Variants in RAB24 observed in about 807,000 individuals in gnomAD.
RAB24 encodes ras-related protein Rab-24.
In RAB24, 9 loss-of-function variants were observed where a neutral mutation model predicts 31.4. The ratio of observed to expected loss-of-function variants is 0.29; its 90% confidence interval spans 0.17 to 0.50. RAB24 has a LOEUF of 0.50. Among genes scored for constraint, RAB24 ranks in the 20% least tolerant of loss-of-function variants. The pLI, the probability that RAB24 is intolerant of heterozygous loss-of-function variation, is 0.98. For synonymous variants in RAB24, 106 were observed against 94.1 expected (o/e 1.13, Z -0.73); for missense variants, 197 against 265.2 (o/e 0.74, Z 1.79).
rs200394384 is a variant in RAB24 at position 177,303,088 on chromosome 5, A to C, written c.118-11T>G. ...GGCGGCCCCGATGGTCTGCAACGAGAGGGAAGAGATCGGGGCCATAGGTGC... is the reference window on the plus strand; with the variant it reads ...GGCGGCCCCGATGGTCTGCAACGAGCGGGAAGAGATCGGGGCCATAGGTGC... On this transcript the variant is annotated splice_polypyrimidine_tract_variant and intron_variant, in intron 1 of 7. Transcript: ENST00000303251. The surrounding 1 kb of genome is among the most constrained non-coding windows in gnomAD (Gnocchi z 6.1). 1.2e-6 allele frequency: 2 copies of C among 1,614,014 alleles called. No homozygotes were observed. Among genetic ancestry groups the C allele is most frequent in the Non-Finnish European group, 1.7e-6 (2 of 1,180,002 alleles).
At position 177,301,227 on chromosome 5, in the gene RAB24, C is replaced by T. The variant is rs76673188; in HGVS notation, c.*516G>A. The T allele has an allele frequency of 1.2e-5, 2 of 163,876 alleles. No individual in the cohort carries two copies. The highest frequency in any genetic ancestry group is 4.8e-5 in the African/African-American group (2 of 41,460). The allele number at this position is 163,876 out of a possible 1,614,324, so 10.2% of individuals were successfully genotyped here. On this transcript the variant is annotated 3_prime_UTR_variant, in exon 8 of 8. Coordinates refer to ENST00000303251, the MANE Select transcript of RAB24 (RefSeq NM_001031677.4). Reference sequence around the variant, plus strand: ...GTAGGAATGCTTGACCCTTTTATTTCGAAGCAACTCATGCACTCTTTTCAG... The same window carrying T: ...GTAGGAATGCTTGACCCTTTTATTTTGAAGCAACTCATGCACTCTTTTCAG...
rs1760709030 is a variant in RAB24 at position 177,302,401 on chromosome 5, T to C, written c.429A>G (p.Ala143=). The C allele has an allele frequency of 6.2e-7, 1 of 1,613,214 alleles. No homozygotes were observed. The highest frequency in any genetic ancestry group is 8.5e-7 in the Non-Finnish European group (1 of 1,180,006). Residue 143 remains alanine, a synonymous_variant, in exon 5 of 8, where the codon GCA becomes GCG. Transcript: ENST00000303251. ...AAAGGGCTGAGGAGCAGCTACTGTC[T>C]GCATAGTCCTGGACGTCGTGGAAGT... is the stretch of plus-strand genomic sequence containing the variant. ...RVDFHDVQDY[A]DNIKAQLFET...
In RAB24 at chr5:177,302,379, G is replaced by A. The variant is rs199584504; in HGVS notation, c.433+18C>T. The A allele has an allele frequency of 3.7e-6, 6 of 1,612,246 alleles. No homozygotes were observed. Among genetic ancestry groups the A allele is most frequent in the Middle Eastern group, 1.7e-4 (1 of 6,060 alleles). On this transcript the variant is annotated intron_variant, in intron 5 of 7. Coordinates refer to ENST00000303251, the MANE Select transcript of RAB24 (RefSeq NM_001031677.4). ...CAGCCACACACCCCCACCCCCCAAA[G>A]GGCTGAGGAGCAGCTACTGTCTGCA...
intron 2 of RAB24, 71 bp from the exon 3 acceptor site, chr5:177,302,901 C>A (rs1372531035): frequency 3.1e-6 from 5 of 1,595,356 alleles, no homozygotes; most frequent in Non-Finnish European, 4.3e-6. Flanking sequence ...GATAAGGAAA[C>A]GGGTCTATGA....
In RAB24 at chr5:177,301,695, C is replaced by T. The variant is rs1321868105; in HGVS notation, c.*48G>A. 2 of 1,603,326 alleles carry T rather than the reference C, an allele frequency of 1.2e-6. No individual in the cohort carries two copies. The highest frequency in any genetic ancestry group is 2.7e-5 in the African/African-American group (2 of 74,738). On this transcript the variant is annotated 3_prime_UTR_variant, in exon 8 of 8. Coordinates refer to ENST00000303251, the MANE Select transcript of RAB24 (RefSeq NM_001031677.4). ...AAGCCCAGAAAGGAGCTGGGTCCAG[C>T]CCTTACGGGGAATTCCTTTAATTCC... is the stretch of plus-strand genomic sequence containing the variant.
chr5:177,301,474 T>G lies in RAB24; in HGVS notation c.*269A>C, dbSNP rs1760644381. Reference sequence around the variant, plus strand: ...GGTGTGATGCACAGTGCACTGATTTTATTTACAGATCAAAAGCCACTTAAA... The same window carrying G: ...GGTGTGATGCACAGTGCACTGATTTGATTTACAGATCAAAAGCCACTTAAA... On this transcript the variant is annotated 3_prime_UTR_variant, in exon 8 of 8. Coordinates refer to ENST00000303251, the MANE Select transcript of RAB24 (RefSeq NM_001031677.4). The G allele has an allele frequency of 1.9e-6, 1 of 523,450 alleles. No homozygotes were observed. The highest frequency in any genetic ancestry group is 3.4e-6 in the Non-Finnish European group (1 of 289,862). The allele number at this position is 523,450 out of a possible 1,614,324, so 32.4% of individuals were successfully genotyped here.
intron 7 of RAB24, 42 bp from the exon 8 acceptor site, chr5:177,301,849 G>A (rs746113021): frequency 1.9e-6 from 3 of 1,613,458 alleles, no homozygotes; most frequent in South Asian, 1.1e-5. Context: ...ATTCTGTTGG[G>A]ATCAGGTAAC....
Position 177,303,690 on chromosome 5 carries a change from C to G in RAB24, c.-402G>C. ...CCCGCAACCCGGCTCCTACCCGCAG[C>G]GCCGCGACTCCCGCGGGAGGGGGCT... On this transcript the variant is annotated 5_prime_UTR_variant, in exon 1 of 8. Transcript: ENST00000303251. The surrounding 1 kb of genome is among the most constrained non-coding windows in gnomAD (Gnocchi z 6.1). 1 of 357,258 alleles carries G rather than the reference C, an allele frequency of 2.8e-6. No homozygotes were observed. The highest frequency in any genetic ancestry group is 5.0e-6 in the Non-Finnish European group (1 of 199,242). 22.1% of individuals were successfully genotyped at this position (357,258 alleles called of 1,614,324 possible). A position where few individuals can be genotyped will look rare whatever the true frequency, so the allele number is the denominator to read the frequency against.
chr5:177,302,016 G>T (rs545127610), intron 6 of RAB24, 29 bp from the exon 7 acceptor site: 2 of 1,612,880 alleles, frequency 1.2e-6, no homozygotes, highest in Admixed American at 1.7e-5. Context: ...ATCAGCGAGG[G>T]CCCAATGCCA....
intron 2 of RAB24, 74 bp downstream of exon 2, chr5:177,302,935 A>G: frequency 2.5e-6 from 4 of 1,587,270 alleles, no homozygotes; most frequent in Non-Finnish European, 3.5e-6. Flanking sequence ...GAGGCCACAA[A>G]TCAACCAGTA....
Position 177,303,133 on chromosome 5 carries a change from C to A in RAB24, c.117+39G>T, listed in dbSNP as rs758718655. ...AGGTGCAGATTACCGGCCCCCCACT[C>A]CCCCGCCCACCGTGCCTGGCCCCTC... On this transcript the variant is annotated intron_variant, in intron 1 of 7. Transcript: ENST00000303251. This position sits in a 1 kb window ranked among gnomAD's most constrained non-coding sequence, Gnocchi z 6.1. 308 of 1,612,282 alleles carry A rather than the reference C, an allele frequency of 1.9e-4. 4 individuals carry two copies. The Admixed American group carries it at 5.1e-3, about 27-fold the overall frequency.
chr5:177,302,851 C>T, intron 2 of RAB24, 21 bp from the exon 3 acceptor site: 1 of 1,610,436 alleles, frequency 6.2e-7, no homozygotes. Context: ...AGGCCTGAGT[C>T]AAACTTAAGG....
chr5:177,302,934 A>T, intron 2 of RAB24, 75 bp downstream of exon 2: 4 of 1,589,738 alleles, frequency 2.5e-6, no homozygotes, highest in Non-Finnish European at 3.5e-6. Flanking sequence ...TGAGGCCACA[A>T]ATCAACCAGT....
At position 177,302,759 on chromosome 5, in the gene RAB24, G is replaced by T; in HGVS notation, c.258C>A (p.Val86=). The part of the protein sequence containing the change: ...IYYRGAKAAI[V]CYDLTDSSSF... ...AACCCCCCCCCCCCTTACCATAGCA[G>T]ACGATGGCAGCCTTGGCACCCCGAT... The change falls in exon 3 of 8, where the codon GTC becomes GTA. Residue 86 remains valine, a synonymous_variant. Coordinates refer to ENST00000303251, the MANE Select transcript of RAB24 (RefSeq NM_001031677.4). 1 of 1,412,182 alleles carries T rather than the reference G, an allele frequency of 7.1e-7. No individual in the cohort carries two copies. Among genetic ancestry groups the T allele is most frequent in the Non-Finnish European group, 9.9e-7 (1 of 1,014,480 alleles). The allele number at this position is 1,412,182 out of a possible 1,614,324, so 87.5% of individuals were successfully genotyped here. A position where few individuals can be genotyped will look rare whatever the true frequency, so the allele number is the denominator to read the frequency against.
rs749345370 is a variant in RAB24, at chr5:177,302,380, G to A, written c.433+17C>T. On this transcript the variant is annotated intron_variant, in intron 5 of 7. Coordinates refer to ENST00000303251, the MANE Select transcript of RAB24 (RefSeq NM_001031677.4). ...AGCCACACACCCCCACCCCCCAAAG[G>A]GCTGAGGAGCAGCTACTGTCTGCAT... 6 of 1,612,290 alleles carry A rather than the reference G, an allele frequency of 3.7e-6. No homozygotes were observed. The Admixed American group carries it at 5.0e-5, about 13-fold the overall frequency.
At chr5:177,301,898 C>G (rs1562323000) in intron 7 of RAB24, 27 bp downstream of exon 7, 7 of 1,613,570 alleles carry the variant, frequency 4.3e-6, no homozygotes, top group South Asian at 1.1e-5. Flanking sequence ...TAGAGTAAGT[C>G]TCCATAAAGG....
In RAB24 at chr5:177,302,440, C is replaced by T; in HGVS notation, c.390G>A (p.Arg130=). The T allele has an allele frequency of 1.9e-6, 3 of 1,613,812 alleles. No individual in the cohort carries two copies. The highest frequency in any genetic ancestry group is 2.5e-6 in the Non-Finnish European group (3 of 1,180,028). The change falls in exon 5 of 8, where the codon AGG becomes AGA. Residue 130 remains arginine (R), a synonymous_variant. Transcript: ENST00000303251. ...CGTCGTGGAAGTCCACACGTCGACG[C>T]CTCCGGTCTTCTTCCAGCAGGTCAC... ...TKSDLLEEDR[R]RRRVDFHDVQ... is the part of the protein sequence containing the mutation.
intron 2 of RAB24, 47 bp from the exon 3 acceptor site, chr5:177,302,877 C>G (rs780932556): frequency 1.2e-6 from 2 of 1,604,292 alleles, no homozygotes; most frequent in Non-Finnish European, 1.7e-6. Context: ...TTCTCCAGAC[C>G]CCGCTATTTT....
In RAB24 at chr5:177,302,471, G is replaced by A. The variant is rs1760712230; in HGVS notation, c.359C>T (p.Thr120Ile). ...GTCTTCTTCCAGCAGGTCACTCTTG[G>A]TGCCACATAAGTAGATTTGGCAGCC... Reference protein sequence around the residue: ...EEGCQIYLCGTKSDLLEEDRR... With the variant: ...EEGCQIYLCGIKSDLLEEDRR... The change falls in exon 5 of 8, where the codon ACC (threonine) becomes ATC (isoleucine). Residue 120 changes from threonine to isoleucine, a missense_variant. By Grantham distance (89) the Thr-to-Ile change is moderately conservative (BLOSUM62 -1). Coordinates refer to ENST00000303251, the MANE Select transcript of RAB24 (RefSeq NM_001031677.4). The A allele has an allele frequency of 6.2e-7, 1 of 1,613,962 alleles. No individual in the cohort carries two copies. Among genetic ancestry groups the A allele is most frequent in the Non-Finnish European group, 8.5e-7 (1 of 1,180,040 alleles).
Sources: allele counts gnomAD v4.1 joint callset, GRCh38; gene constraint gnomAD v4.1.1; non-coding constraint Gnocchi (gnomAD v3.1); transcripts MANE v1.5; gene names NCBI Gene and HGNC (gene_info 2026-07-23, HGNC 2026-07-21).